Variants in MAF observed in about 807,000 individuals in gnomAD.
MAF encodes the protein transcription factor Maf.
In MAF, 10 loss-of-function variants were observed where a neutral mutation model predicts 22.0. The observed-to-expected ratio is 0.45, with a 90% CI of 0.28 to 0.77. MAF has a LOEUF of 0.77. MAF is among the 30% of genes least tolerant of loss of function. The probability of loss-of-function intolerance (pLI) is 0.12; values close to 1 mark genes in which losing one functional copy is unlikely to be tolerated. For missense variants in MAF, 544 were observed against 548.4 expected (o/e 0.99, Z 0.08); for synonymous variants, 337 against 255.8 (o/e 1.32, Z -3.03).
At chr16:79,206,096 C>A in the MAF span, 1 of 152,118 alleles carries the variant, frequency 6.6e-6, no homozygotes, top group Admixed American at 6.5e-5. Context: ...AAATGGATAT[C>A]ATTTCAATTT....
chr16:79,579,715 C>A, the MAF span, among the ~76,000 whole-genome samples: 1 of 152,168 alleles, frequency 6.6e-6, no homozygotes, highest in Non-Finnish European at 1.5e-5. Context: ...ACAAATAACT[C>A]CTGACAAATT....
the MAF span, among the ~76,000 whole-genome samples, chr16:79,267,566 G>T: frequency 6.6e-6 from 1 of 152,190 alleles, no homozygotes; most frequent in Non-Finnish European, 1.5e-5. Context: ...AATGGCTCAC[G>T]GCCAATCAGC....
chr16:79,281,897 C>G, the MAF span, among the ~76,000 whole-genome samples: 1 of 152,156 alleles, frequency 6.6e-6, no homozygotes, highest in Admixed American at 6.5e-5. Context: ...CCCTGCATTT[C>G]TGTGTGTGGC....
At chr16:79,506,500 G>T in the MAF span, among the ~76,000 whole-genome samples, 1 of 152,206 alleles carries the variant, frequency 6.6e-6, no homozygotes, top group Non-Finnish European at 1.5e-5. Flanking sequence ...CTCCTGCATG[G>T]GAACTGGAAT....
At chr16:79,402,010 T>A in the MAF span, among the ~76,000 whole-genome samples, 2 of 152,196 alleles carry the variant, frequency 1.3e-5, no homozygotes, top group African/African-American at 4.8e-5. Flanking sequence ...AGAGGTTAAA[T>A]GCCCAAAGTC....
the MAF span, among the ~76,000 whole-genome samples, chr16:79,484,634 C>G: frequency 6.6e-6 from 1 of 152,180 alleles, no homozygotes; most frequent in East Asian, 1.9e-4. Context: ...CAGCCTGGGT[C>G]AGGTGGAGTT....
the MAF span, among the ~76,000 whole-genome samples, chr16:79,580,083 A>T: frequency 1.3e-5 from 2 of 152,076 alleles, no homozygotes; most frequent in South Asian, 4.2e-4. Flanking sequence ...ACAGAGTGAC[A>T]TTTCACCACG....
the MAF span, among the ~76,000 whole-genome samples, chr16:79,508,996 C>T: frequency 5.9e-5 from 9 of 152,158 alleles, no homozygotes; most frequent in Non-Finnish European, 1.0e-4. Flanking sequence ...TACTTTAAAC[C>T]AGATAATTAT....
the MAF span, among the ~76,000 whole-genome samples, chr16:79,251,665 A>G: frequency 6.6e-6 from 1 of 152,132 alleles, no homozygotes; most frequent in Admixed American, 6.5e-5. Flanking sequence ...AAAAGAAATC[A>G]AACCAATGTC....
the MAF span, among the ~76,000 whole-genome samples, chr16:79,527,453 T>A: frequency 6.6e-6 from 1 of 152,268 alleles, no homozygotes; most frequent in African/African-American, 2.4e-5. Context: ...AGAGGATAAA[T>A]TCCCACTAGA....
the MAF span, among the ~76,000 whole-genome samples, chr16:79,336,774 T>C: frequency 6.6e-6 from 1 of 152,228 alleles, no homozygotes; most frequent in Non-Finnish European, 1.5e-5. Context: ...TTTTCTTCTG[T>C]AATTTGGTGA....
chr16:79,538,287 A>G, the MAF span, among the ~76,000 whole-genome samples: 1 of 152,238 alleles, frequency 6.6e-6, no homozygotes, highest in South Asian at 2.1e-4. Flanking sequence ...AGCACAGTAC[A>G]AGATGCATAT....
At chr16:79,309,148 G>A in the MAF span, among the ~76,000 whole-genome samples, 2 of 152,124 alleles carry the variant, frequency 1.3e-5, no homozygotes, top group Non-Finnish European at 2.9e-5. Context: ...TTGGATACAG[G>A]GGTGCTCTTC....
At chr16:79,494,499 A>C in the MAF span, among the ~76,000 whole-genome samples, 11 of 152,194 alleles carry the variant, frequency 7.2e-5, no homozygotes, top group Admixed American at 2.0e-4. Flanking sequence ...CAGTTTCTCC[A>C]CTTTTAAAGA....
the MAF span, among the ~76,000 whole-genome samples, chr16:79,418,327 A>G: frequency 8.5e-5 from 13 of 152,210 alleles, no homozygotes; most frequent in Admixed American, 2.0e-4. Context: ...GTCAGCTGGG[A>G]GCAGCCACAG....
At chr16:79,308,211 A>G in the MAF span, among the ~76,000 whole-genome samples, 1 of 152,246 alleles carries the variant, frequency 6.6e-6, no homozygotes, top group Non-Finnish European at 1.5e-5. Context: ...ACGGGTCCAC[A>G]TTGATCATTT....
chr16:79,211,488 A>G, the MAF span: 1 of 1,305,480 alleles, frequency 7.7e-7, no homozygotes, highest in South Asian at 1.2e-5. Context: ...TGCTATGCCA[A>G]GATCCAGCTG....
chr16:79,345,457 G>A, the MAF span, among the ~76,000 whole-genome samples: 3 of 152,128 alleles, frequency 2.0e-5, no homozygotes, highest in East Asian at 3.9e-4. Flanking sequence ...TTTTGGCTAG[G>A]TGTGGTGCCT....
chr16:79,220,581 G>A, the MAF span, among the ~76,000 whole-genome samples: 1 of 152,082 alleles, frequency 6.6e-6, no homozygotes, highest in Non-Finnish European at 1.5e-5. Flanking sequence ...TATTCTTGGA[G>A]AGTTAAAATT....
Sources: gnomAD v4.1 joint callset for allele counts (sites outside exome capture counted in the v4.1 genomes callset) on GRCh38, gnomAD v4.1.1 for gene constraint, MANE v1.5 for transcripts, NCBI Gene and HGNC (gene_info 2026-07-23, HGNC 2026-07-21) for gene names.